EPB41: variants seen among roughly 807,000 people sequenced by gnomAD.
EPB41 encodes the protein protein 4.1.
Under a neutral mutation model 108.0 loss-of-function variants are expected in EPB41, and 65 were observed. The ratio of observed to expected loss-of-function variants is 0.60; its 90% confidence interval spans 0.49 to 0.74. EPB41 has a LOEUF of 0.74. Ranked by LOEUF, EPB41 falls within the 30% of genes least tolerant of loss-of-function variation. The pLI is 0.00. For synonymous variants in EPB41, 336 were observed against 358.9 expected, an observed-to-expected ratio of 0.94 and a Z score of 0.72; for missense variants, 875 against 1,037.0, an observed-to-expected ratio of 0.84 and a Z score of 2.15.
chr1:29,052,233 C>T (rs1644655215), intron 11 of EPB41, among the ~76,000 whole-genome samples: 1 of 152,162 alleles, frequency 6.6e-6, no homozygotes. Flanking sequence ...GGTTTCTCAA[C>T]CTCAGTAACT....
chr1:29,112,389 G>A lies in EPB41; in HGVS notation c.2437G>A (p.Glu813Lys). The A allele has an allele frequency of 1.2e-6, 2 of 1,613,750 alleles. No individual in the cohort carries two copies. The highest frequency in any genetic ancestry group is 2.7e-5 in the African/African-American group (2 of 74,958). The change falls in exon 19 of 21, where the codon GAG becomes AAG. Residue 813 changes from glutamate (E) to lysine (K), a missense_variant. Coordinates refer to ENST00000343067, the MANE Select transcript of EPB41 (RefSeq NM_001376013.1). ...CCAGACTGTAAAAGGTGGGATTTCAGAGACACGTATTGAAAAGAGAATTGT... is the reference window on the plus strand; with the variant it reads ...CCAGACTGTAAAAGGTGGGATTTCAAAGACACGTATTGAAAAGAGAATTGT... ...ITKTVKGGIS[E>K]TRIEKRIVIT...
chr1:28,894,490 C>T (rs1247842072), intron 1 of EPB41, among the ~76,000 whole-genome samples: 1 of 152,100 alleles, frequency 6.6e-6, no homozygotes, highest in Admixed American at 6.6e-5. Flanking sequence ...GTCTTCTGAA[C>T]TTAGTAAGGG....
At chr1:28,905,475 G>C (rs203291) in intron 1 of EPB41, among the ~76,000 whole-genome samples, 8 of 150,844 alleles carry the variant, frequency 5.3e-5, no homozygotes, top group Non-Finnish European at 5.9e-5. Context: ...CAGCCTGGGC[G>C]ACAGAGGAAG....
At chr1:28,907,976 A>G (rs1478140413) in intron 1 of EPB41, among the ~76,000 whole-genome samples, 1 of 152,034 alleles carries the variant, frequency 6.6e-6, no homozygotes. Context: ...CCCCTAATTC[A>G]TCTAAGCTGT....
At chr1:29,091,466 T>C (rs946122246) in intron 16 of EPB41, among the ~76,000 whole-genome samples, 1 of 152,188 alleles carries the variant, frequency 6.6e-6, no homozygotes, top group Admixed American at 6.5e-5. Flanking sequence ...ATAAGTGCCC[T>C]GGAAAGTAGC....
chr1:29,028,270 A>G (rs1016692128), intron 7 of EPB41, among the ~76,000 whole-genome samples: 1 of 152,232 alleles, frequency 6.6e-6, no homozygotes, highest in African/African-American at 2.4e-5. Flanking sequence ...AGATTTTATC[A>G]TAATTGCTTT....
At chr1:29,069,031 T>C (rs1173428581) in intron 16 of EPB41, 2 of 789,024 alleles carry the variant, frequency 2.5e-6, no homozygotes, top group Admixed American at 4.3e-5. Context: ...GATATAAATA[T>C]GTTTTCAGAG....
At chr1:29,007,023 G>A (rs1425785182) in intron 4 of EPB41, among the ~76,000 whole-genome samples, 3 of 151,810 alleles carry the variant, frequency 2.0e-5, no homozygotes, top group Non-Finnish European at 4.4e-5. Flanking sequence ...GGTTTCTTTG[G>A]TTTCATTCAT....
chr1:28,977,937 C>CAATA (rs2095646353), intron 1 of EPB41, among the ~76,000 whole-genome samples: 2 of 151,326 alleles, frequency 1.3e-5, no homozygotes, highest in African/African-American at 2.4e-5. Context: ...TGAGCTTTAT[C>CAATA]AGTTTCATTT....
intron 18 of EPB41, among the ~76,000 whole-genome samples, chr1:29,110,200 C>A (rs1249767563): frequency 6.7e-6 from 1 of 148,894 alleles, no homozygotes; most frequent in Non-Finnish European, 1.5e-5. Flanking sequence ...AAAAAATGTG[C>A]TGGGCATAAT....
intron 4 of EPB41, among the ~76,000 whole-genome samples, chr1:29,010,733 G>A (rs2096486103): frequency 6.6e-6 from 1 of 152,110 alleles, no homozygotes; most frequent in African/African-American, 2.4e-5. Context: ...GATTGGCGTG[G>A]GCAAGAGTAG....
At chr1:29,021,621 C>T (rs951469887) in intron 7 of EPB41, among the ~76,000 whole-genome samples, 65 of 146,684 alleles carry the variant, frequency 4.4e-4, no homozygotes, top group Admixed American at 3.7e-3. Context: ...CTTGTTCTGT[C>T]GCCCAGGCTG....
chr1:29,001,558 C>T (rs2149755889), intron 4 of EPB41, among the ~76,000 whole-genome samples: 1 of 152,224 alleles, frequency 6.6e-6, no homozygotes, highest in South Asian at 2.1e-4. Flanking sequence ...GTTTTTGAGA[C>T]ATTACATGTC....
chr1:29,076,870 T>A (rs1216834142), intron 16 of EPB41, among the ~76,000 whole-genome samples: 2 of 152,000 alleles, frequency 1.3e-5, no homozygotes, highest in Non-Finnish European at 2.9e-5. Flanking sequence ...TCACACAACT[T>A]CTCTCCAGCC....
chr1:28,889,879 C>T, intron 1 of EPB41: 7 of 978,562 alleles, frequency 7.2e-6, no homozygotes, highest in Non-Finnish European at 7.3e-6. Context: ...AGGATACTCA[C>T]AGAGGGCTCA....
In EPB41 at chr1:28,998,127, C is replaced by T. The variant is rs138288472; in HGVS notation, c.786+808C>T. ...TAACATTAATTACTGGTTTGATGAG[C>T]GCTATACAAAAGGAAATACAGGTTG... On this transcript the variant is annotated intron_variant, in intron 4 of 20. Coordinates refer to ENST00000343067, the MANE Select transcript of EPB41 (RefSeq NM_001376013.1). 3.3e-5 allele frequency among the ~76,000 whole-genome samples: 5 copies of T among 152,188 alleles called. No individual in the cohort carries two copies. In the East Asian group the frequency reaches 5.8e-4, roughly 18 times the overall value.
intron 13 of EPB41, 57 bp downstream of exon 13, chr1:29,058,702 T>C: frequency 6.4e-7 from 1 of 1,573,740 alleles, no homozygotes; most frequent in Non-Finnish European, 8.7e-7. Context: ...GTTTTTTTCT[T>C]CTCCCTTACT....
intron 8 of EPB41, 68 bp from the exon 9 acceptor site, chr1:29,033,025 C>A: frequency 6.9e-7 from 1 of 1,439,084 alleles, no homozygotes; most frequent in Non-Finnish European, 9.8e-7. Flanking sequence ...TTCAGATTAT[C>A]TAGTAATAGT....
chr1:29,040,302 T>C (rs1000478610), intron 11 of EPB41, among the ~76,000 whole-genome samples: 2 of 151,946 alleles, frequency 1.3e-5, no homozygotes, highest in Admixed American at 1.3e-4. Flanking sequence ...TTTTTTGAGA[T>C]GGAGTCCCAC....
Sources: allele counts gnomAD v4.1 joint callset (sites outside exome capture counted in the v4.1 genomes callset), GRCh38; gene constraint gnomAD v4.1.1; transcripts MANE v1.5; gene names NCBI Gene and HGNC (gene_info 2026-07-23, HGNC 2026-07-21).